The following LAPTM4B variants were observed in gnomAD, a reference collection of about 807,000 sequenced individuals.
LAPTM4B encodes the protein lysosomal protein transmembrane 4 beta, also known as lysosomal-associated transmembrane protein 4B.
Under a neutral mutation model 28.5 loss-of-function variants are expected in LAPTM4B, and 26 were observed. That is an observed-to-expected ratio of 0.91 (90% confidence interval 0.67 to 1.27). The LOEUF is 1.27. Among genes scored for constraint, LAPTM4B ranks in the 50% most tolerant of loss-of-function variants. The pLI, the probability that LAPTM4B is intolerant of heterozygous loss-of-function variation, is 0.00. For missense variants in LAPTM4B, 288 were observed against 285.8 expected (o/e 1.01, Z -0.06); for synonymous variants, 109 against 106.4 (o/e 1.02, Z -0.15).
At chr8:97,837,829 T>G (rs953687452) in intron 6 of LAPTM4B, among the ~76,000 whole-genome samples, 4 of 152,218 alleles carry the variant, frequency 2.6e-5, no homozygotes, top group African/African-American at 9.6e-5. Context: ...AGCCTGTCAT[T>G]ATTGGCTTTC....
chr8:97,777,265 G>A (rs1816237212), intron 1 of LAPTM4B, among the ~76,000 whole-genome samples: 1 of 145,188 alleles, frequency 6.9e-6, no homozygotes, highest in Non-Finnish European at 1.5e-5. Context: ...TCCTTCCTCA[G>A]CTTCCCGAGT....
chr8:97,782,723 A>G (rs1264479981), intron 1 of LAPTM4B, among the ~76,000 whole-genome samples: 12 of 143,226 alleles, frequency 8.4e-5, no homozygotes, highest in Non-Finnish European at 1.8e-4. Context: ...GGCGTGAGCC[A>G]CCGTCCCCAG....
chr8:97,827,461 C>T (rs1817107163), intron 6 of LAPTM4B, among the ~76,000 whole-genome samples: 1 of 152,206 alleles, frequency 6.6e-6, no homozygotes, highest in African/African-American at 2.4e-5. Flanking sequence ...TGAATCTCTT[C>T]ATCTGTATCC....
chr8:97,784,910 CTCTT>C (rs1019429159), intron 1 of LAPTM4B, among the ~76,000 whole-genome samples: 8 of 152,102 alleles, frequency 5.3e-5, no homozygotes, highest in Non-Finnish European at 8.8e-5. Context: ...ATACAAGTCT[CTCTT>C]TCTACCTAGG....
At chr8:97,826,991 G>A (rs1470149663) in intron 6 of LAPTM4B, among the ~76,000 whole-genome samples, 2 of 152,182 alleles carry the variant, frequency 1.3e-5, no homozygotes, top group African/African-American at 4.8e-5. Context: ...AGATACATCA[G>A]AACCTCTTTG....
intron 4 of LAPTM4B, 124 bp downstream of exon 4, chr8:97,816,304 C>G (rs2331657): frequency 0.46 from 416,685 of 912,410 alleles, 98,831 homozygotes; most frequent in East Asian, 0.55. Flanking sequence ...CTGAGTTACT[C>G]ATAGGAAATT....
chr8:97,821,290 C>G (rs1485417663), intron 5 of LAPTM4B, among the ~76,000 whole-genome samples: 1 of 151,536 alleles, frequency 6.6e-6, no homozygotes, highest in Non-Finnish European at 1.5e-5. Flanking sequence ...GAGATGAGAT[C>G]GAGCTACTGC....
chr8:97,816,096 G>T lies in LAPTM4B; in HGVS notation c.324G>T (p.Gln108His). The change falls in exon 4 of 7, where the codon CAG becomes CAT. Residue 108 changes from glutamine to histidine, a missense_variant. Transcript: ENST00000521545. ...AAWIIPFFCY[Q>H]IFDFALNMLV... ...GGATCATCCCATTCTTCTGTTACCA[G>T]ATCTTTGACTTTGCCCTGAACATGT... 6.2e-7 allele frequency: 1 copy of T among 1,613,646 alleles called. No homozygotes were observed. Among genetic ancestry groups the T allele is most frequent in the Non-Finnish European group, 8.5e-7 (1 of 1,179,834 alleles).
At chr8:97,831,751 A>C (rs1176583839) in intron 6 of LAPTM4B, among the ~76,000 whole-genome samples, 7 of 152,172 alleles carry the variant, frequency 4.6e-5, no homozygotes, top group African/African-American at 1.7e-4. Context: ...GGCTGTCTGG[A>C]GCGGAGACTG....
intron 1 of LAPTM4B, among the ~76,000 whole-genome samples, chr8:97,793,632 TG>T (rs1272153983): frequency 6.6e-6 from 1 of 152,216 alleles, no homozygotes; most frequent in Non-Finnish European, 1.5e-5. Context: ...TAGTATATTT[TG>T]TACATGGAAA....
At chr8:97,814,409 GTGGGAGACTTGCTTGAGCC>G (rs905362075) in intron 2 of LAPTM4B, among the ~76,000 whole-genome samples, 64 of 152,146 alleles carry the variant, frequency 4.2e-4, no homozygotes, top group Admixed American at 3.6e-3. Context: ...AGGGGGTGAG[GTGGGAGACTTGCTTGAGCC>G]TGGGAGACTT....
Position 97,849,806 on chromosome 8 carries a change from ACCCCCCTG to A in LAPTM4B, c.604-1587_604-1580del, listed in dbSNP as rs1309995506. Among the ~76,000 whole-genome samples, 4 of 61,140 alleles carry A rather than the reference ACCCCCCTG, an allele frequency of 6.5e-5. No homozygotes were observed. In the East Asian group the frequency reaches 1.4e-3, roughly 22 times the overall value. 40.1% of individuals were successfully genotyped at this position (61,140 alleles called of 152,430 possible). On this transcript the variant is annotated intron_variant, in intron 6 of 6. Coordinates refer to ENST00000521545, the MANE Select transcript of LAPTM4B (RefSeq NM_018407.6). ...GGAAAGCCGCCACCCCCCCTCCTCC[ACCCCCCTG>A]CCCGCCTGCCCGCCCCCGGTTCCTG...
At chr8:97,787,611 T>TTA (rs1274709738) in intron 1 of LAPTM4B, among the ~76,000 whole-genome samples, 1 of 152,206 alleles carries the variant, frequency 6.6e-6, no homozygotes, top group Non-Finnish European at 1.5e-5. Flanking sequence ...ACACCTAACT[T>TTA]ATTAAAGTCT....
chr8:97,779,453 C>G (rs1296232811), intron 1 of LAPTM4B, among the ~76,000 whole-genome samples: 1 of 151,706 alleles, frequency 6.6e-6, no homozygotes, highest in Non-Finnish European at 1.5e-5. Flanking sequence ...CCACTGCACT[C>G]TAGCCTGGGT....
intron 6 of LAPTM4B, among the ~76,000 whole-genome samples, chr8:97,850,465 G>GGTGTGTGTGTGTGTGTGTGTGTGT (rs761478917): frequency 2.4e-4 from 9 of 37,864 alleles, no homozygotes; most frequent in African/African-American, 7.9e-4. Flanking sequence ...GGAGAGGAGG[G>GGTGTGTGTGTGTGTGTGTGTGTGT]GTGTGTGTGT....
intron 6 of LAPTM4B, among the ~76,000 whole-genome samples, chr8:97,834,144 G>GGAAAAAAAAAAAAAAA (rs1554593011): frequency 1.3e-5 from 1 of 75,344 alleles, no homozygotes; most frequent in Non-Finnish European, 3.0e-5. Flanking sequence ...TGTCTCTACA[G>GGAAAAAAAAAAAAAAA]AAAAAAAAAA....
At chr8:97,815,994 A>G (rs1344261110) in intron 3 of LAPTM4B, 64 bp from the exon 4 acceptor site, 3 of 1,264,802 alleles carry the variant, frequency 2.4e-6, no homozygotes, top group Non-Finnish European at 3.2e-6. Flanking sequence ...AATACTTTGA[A>G]TTTAAGAAAA....
rs34322160 is a variant in LAPTM4B at position 97,782,279 on chromosome 8, CTTTTTTTTTTTTTTT to C, written c.99+6184_99+6198del. Among the ~76,000 whole-genome samples, 149 of 50,260 alleles carry C rather than the reference CTTTTTTTTTTTTTTT, an allele frequency of 3.0e-3. 1 individual carries two copies. The highest frequency in any genetic ancestry group is 9.6e-3 in the African/African-American group (136 of 14,192). The allele number at this position is 50,260 out of a possible 152,430, so 33.0% of individuals were successfully genotyped here. On this transcript the variant is annotated intron_variant, in intron 1 of 6. Transcript: ENST00000521545. ...TACAGGCCTGAGCCACCATGCCCAGCTTTTTTTTTTTTTTTTTTTTTTTTTTTGTGACAAGATCTC... is the reference window on the plus strand; with the variant it reads ...TACAGGCCTGAGCCACCATGCCCAGCTTTTTTTTTTTTGTGACAAGATCTC...
Position 97,775,855 on chromosome 8 carries a change from G to T in LAPTM4B, c.-155G>T. On this transcript the variant is annotated 5_prime_UTR_variant, in exon 1 of 7. Coordinates refer to ENST00000521545, the MANE Select transcript of LAPTM4B (RefSeq NM_018407.6). ...GACCCGGCAGAAGCTCGGAGCTCTC[G>T]GGGTATCGAGGAGGCAGGCCCGCGG... The T allele has an allele frequency of 6.5e-7, 1 of 1,528,266 alleles. No individual in the cohort carries two copies. Among genetic ancestry groups the T allele is most frequent in the Non-Finnish European group, 8.8e-7 (1 of 1,142,708 alleles). The allele number at this position is 1,528,266 out of a possible 1,614,324, so 94.7% of individuals were successfully genotyped here.
Sources: gnomAD v4.1 joint callset for allele counts (sites outside exome capture counted in the v4.1 genomes callset) on GRCh38, gnomAD v4.1.1 for gene constraint, MANE v1.5 for transcripts, NCBI Gene and HGNC (gene_info 2026-07-23, HGNC 2026-07-21) for gene names.